Variants in FOXK2 observed in about 807,000 individuals in gnomAD.
FOXK2 encodes the protein forkhead box K2, also known as forkhead box protein K2.
Under a neutral mutation model 53.3 loss-of-function variants are expected in FOXK2, and 24 were observed. The observed-to-expected ratio is 0.45, with a 90% CI of 0.33 to 0.63. FOXK2 has a LOEUF of 0.63. Ranked by LOEUF, FOXK2 falls within the 30% of genes least tolerant of loss-of-function variation. The pLI, the probability that FOXK2 is intolerant of heterozygous loss-of-function variation, is 0.03. For missense variants in FOXK2, 952 were observed against 910.5 expected (o/e 1.05, Z -0.59); for synonymous variants, 505 against 407.1 (o/e 1.24, Z -2.89).
At chr17:82,560,968 C>T (rs2044787413) in intron 1 of FOXK2, among the ~76,000 whole-genome samples, 1 of 152,098 alleles carries the variant, frequency 6.6e-6, no homozygotes, top group Non-Finnish European at 1.5e-5. Context: ...CCAGGCTAGT[C>T]TCAAATTCCT....
intron 4 of FOXK2, among the ~76,000 whole-genome samples, chr17:82,573,560 T>TCACACACACA (rs1407940714): frequency 1.7e-4 from 17 of 101,884 alleles, no homozygotes; most frequent in East Asian, 9.3e-4. Context: ...TCTCTCTCTC[T>TCACACACACA]CTCACACACA....
In FOXK2 at chr17:82,519,921, G is replaced by T; in HGVS notation, c.33G>T (p.Ala11=). 1.0e-6 allele frequency: 1 copy of T among 978,592 alleles called. No individual in the cohort carries two copies. Among genetic ancestry groups the T allele is most frequent in the South Asian group, 4.6e-5 (1 of 21,574 alleles). The allele number at this position is 978,592 out of a possible 1,614,324, so 60.6% of individuals were successfully genotyped here. The part of the protein sequence containing the change: MAAAAAALSG[A]GTPPAGGGAG... ...CGGCCGCGGCGGCGCTCTCGGGCGC[G>T]GGCACGCCACCCGCGGGCGGCGGGG... The change falls in exon 1 of 9, where the codon GCG becomes GCT. Residue 11 remains alanine (A), a synonymous_variant. Coordinates refer to ENST00000335255, the MANE Select transcript of FOXK2 (RefSeq NM_004514.4).
chr17:82,561,932 G>A (rs889263118), intron 1 of FOXK2, among the ~76,000 whole-genome samples: 12 of 151,566 alleles, frequency 7.9e-5, no homozygotes, highest in Non-Finnish European at 1.6e-4. Flanking sequence ...CGCACTGGGC[G>A]CACAGATGTG....
At chr17:82,585,628 T>C (rs1372033495) in intron 6 of FOXK2, among the ~76,000 whole-genome samples, 1 of 152,168 alleles carries the variant, frequency 6.6e-6, no homozygotes, top group Non-Finnish European at 1.5e-5. Context: ...AGTATTGACA[T>C]TTTCTTTTTT....
chr17:82,560,824 GGT>G (rs1234948949), intron 1 of FOXK2, among the ~76,000 whole-genome samples: 1 of 152,146 alleles, frequency 6.6e-6, no homozygotes, highest in Non-Finnish European at 1.5e-5. Context: ...AGCCTGGCAT[GGT>G]GGCATGCGCC....
At chr17:82,557,350 A>G (rs1306443892) in intron 1 of FOXK2, among the ~76,000 whole-genome samples, 1 of 148,874 alleles carries the variant, frequency 6.7e-6, no homozygotes. Context: ...TTTTTTATAT[A>G]TATATATTTT....
chr17:82,597,344 C>A (rs1174805863), intron 8 of FOXK2, among the ~76,000 whole-genome samples: 1 of 152,198 alleles, frequency 6.6e-6, no homozygotes, highest in Non-Finnish European at 1.5e-5. Context: ...TGTGTGTGTT[C>A]CTTCTCTGCC....
At chr17:82,563,894 GGCGCCCACCACC>G (rs2044825434) in intron 2 of FOXK2, among the ~76,000 whole-genome samples, 2 of 149,764 alleles carry the variant, frequency 1.3e-5, no homozygotes, top group Admixed American at 1.3e-4. Context: ...TAGGACTACA[GGCGCCCACCACC>G]ACGCCCACCT....
chr17:82,528,397 T>C (rs2044439471), intron 1 of FOXK2, among the ~76,000 whole-genome samples: 1 of 152,234 alleles, frequency 6.6e-6, no homozygotes, highest in South Asian at 2.1e-4. Context: ...ATTTGGGTAG[T>C]AGTATTCTTA....
At chr17:82,537,619 CAAAAAAAAAAAAAA>C (rs963026198) in intron 1 of FOXK2, among the ~76,000 whole-genome samples, 1 of 53,032 alleles carries the variant, frequency 1.9e-5, no homozygotes, top group Non-Finnish European at 3.4e-5. Flanking sequence ...GACTCCATCT[CAAAAAAAAAAAAAA>C]AAAAAAAAAG....
rs201075099 is a variant in FOXK2 at position 82,586,203 on chromosome 17, A to G, written c.1576+3A>G. ...TGGAGACCACAGGGAAGTCAAAGGT[A>G]GGCGGAGGGGAAAGGAGGAGAGGGG... On this transcript the variant is annotated splice_donor_region_variant and intron_variant, in intron 7 of 8. Coordinates refer to ENST00000335255, the MANE Select transcript of FOXK2 (RefSeq NM_004514.4). 11,531 of 1,468,488 alleles carry G rather than the reference A, an allele frequency of 7.9e-3. 389 individuals carry two copies. In the African/African-American group the frequency reaches 0.09, roughly 12 times the overall value. 91.0% of individuals were successfully genotyped at this position (1,468,488 alleles called of 1,614,324 possible).
chr17:82,558,201 A>G, intron 1 of FOXK2, among the ~76,000 whole-genome samples: 1 of 152,090 alleles, frequency 6.6e-6, no homozygotes, highest in Non-Finnish European at 1.5e-5. Context: ...TTAGCTGAAC[A>G]TGGTGGCGTG....
Position 82,571,909 on chromosome 17 carries a change from G to A in FOXK2, c.909+39G>A, listed in dbSNP as rs374248368. The A allele has an allele frequency of 2.4e-4, 351 of 1,488,666 alleles. 1 individual carries two copies. The highest frequency in any genetic ancestry group is 2.2e-4 in the Non-Finnish European group (243 of 1,120,560). The allele number at this position is 1,488,666 out of a possible 1,614,324, so 92.2% of individuals were successfully genotyped here. A position where few individuals can be genotyped will look rare whatever the true frequency, so the allele number is the denominator to read the frequency against. On this transcript the variant is annotated intron_variant, in intron 4 of 8. Transcript: ENST00000335255. ...GTTTGTTGTTAAATAGAGGCTGATG[G>A]ATACCGAGAAGAAAGTGGAGCGGCT...
chr17:82,563,958 G>T (rs1169470624), intron 2 of FOXK2, among the ~76,000 whole-genome samples: 3 of 151,592 alleles, frequency 2.0e-5, no homozygotes, highest in Non-Finnish European at 4.4e-5. Flanking sequence ...CACCATATTG[G>T]TCAGGCTGGT....
chr17:82,530,445 TAAAAAA>T (rs919452670), intron 1 of FOXK2, among the ~76,000 whole-genome samples: 1 of 78,876 alleles, frequency 1.3e-5, no homozygotes, highest in African/African-American at 4.5e-5. Context: ...AAACTCCATC[TAAAAAA>T]AAAAAAAAAA....
In FOXK2 at chr17:82,601,443, G is replaced by A; in HGVS notation, c.1927G>A (p.Ala643Thr). The A allele has an allele frequency of 6.2e-7, 1 of 1,612,592 alleles. No individual in the cohort carries two copies. Among genetic ancestry groups the A allele is most frequent in the Non-Finnish European group, 8.5e-7 (1 of 1,179,938 alleles). Residue 643 changes from alanine to threonine, a missense_variant, in exon 9 of 9, where the codon GCC (alanine) becomes ACC (threonine). Physicochemically the swap from Ala to Thr is moderately conservative, Grantham distance 58. Coordinates refer to ENST00000335255, the MANE Select transcript of FOXK2 (RefSeq NM_004514.4). ...AGAAGACGGCGAGGGCATCGTCATT[G>A]CCCTGAGCGTGGACACGCCACCGGC... Reference protein sequence around the residue: ...KTEDGEGIVIALSVDTPPAAV... With the variant: ...KTEDGEGIVITLSVDTPPAAV...
chr17:82,597,537 C>T (rs2045327438), intron 8 of FOXK2, among the ~76,000 whole-genome samples: 1 of 152,218 alleles, frequency 6.6e-6, no homozygotes, highest in Non-Finnish European at 1.5e-5. Flanking sequence ...TAGCACAGCC[C>T]CTCTGCTGTT....
In FOXK2 at chr17:82,601,526, T is replaced by C; in HGVS notation, c.*27T>C. On this transcript the variant is annotated 3_prime_UTR_variant, in exon 9 of 9. Coordinates refer to ENST00000335255, the MANE Select transcript of FOXK2 (RefSeq NM_004514.4). ...GACCGGGAGAGCTTTTCTTTAACGA[T>C]ATCAACTCTGTGGTGCCAAAAGGAG... 6.3e-7 allele frequency: 1 copy of C among 1,579,200 alleles called. No individual in the cohort carries two copies. The highest frequency in any genetic ancestry group is 8.6e-7 in the Non-Finnish European group (1 of 1,161,198).
chr17:82,542,651 A>G (rs910415655), intron 1 of FOXK2, among the ~76,000 whole-genome samples: 6 of 152,174 alleles, frequency 3.9e-5, no homozygotes, highest in African/African-American at 1.4e-4. Context: ...TAGGAGAAAC[A>G]GCAGAGGACC....
Sources: gnomAD v4.1 joint callset for allele counts (sites outside exome capture counted in the v4.1 genomes callset) on GRCh38, gnomAD v4.1.1 for gene constraint, MANE v1.5 for transcripts, NCBI Gene and HGNC (gene_info 2026-07-23, HGNC 2026-07-21) for gene names.